CADPS: variants seen among roughly 807,000 people sequenced by gnomAD.
CADPS encodes the protein calcium-dependent secretion activator 1.
A neutral mutation model predicts 167.3 loss-of-function variants in CADPS; 57 were observed. The ratio of observed to expected loss-of-function variants is 0.34; its 90% CI spans 0.28 to 0.42. The LOEUF (loss-of-function observed/expected upper bound fraction) is 0.42, where lower values mean the gene tolerates loss of function less well. Ranked by LOEUF, CADPS falls within the 20% of genes least tolerant of loss-of-function variation. The pLI, the probability that CADPS is intolerant of heterozygous loss-of-function variation, is 1.00. For missense variants in CADPS, 1,414 were observed against 1,738.1 expected (o/e 0.81, Z 3.32); for synonymous variants, 676 against 635.3 (o/e 1.06, Z -0.96).
chr3:62,695,600 C>G (rs1346912872), intron 3 of CADPS, among the ~76,000 whole-genome samples: 1 of 152,124 alleles, frequency 6.6e-6, no homozygotes, highest in Non-Finnish European at 1.5e-5. Context: ...CAAGCCTCCT[C>G]CTTTCTCCTT....
At chr3:62,532,154 T>A (rs1159854195) in intron 13 of CADPS, among the ~76,000 whole-genome samples, 1 of 152,218 alleles carries the variant, frequency 6.6e-6, no homozygotes, top group Non-Finnish European at 1.5e-5. Context: ...CTGTTCCTTT[T>A]GCCTGGAACC....
At chr3:62,718,764 G>T (rs983034669) in intron 3 of CADPS, among the ~76,000 whole-genome samples, 2 of 152,200 alleles carry the variant, frequency 1.3e-5, no homozygotes, top group South Asian at 4.1e-4. Flanking sequence ...AGCCGCATCA[G>T]GAGCATTTTG....
chr3:62,435,091 T>C (rs2054724114), intron 28 of CADPS, among the ~76,000 whole-genome samples: 1 of 152,212 alleles, frequency 6.6e-6, no homozygotes, highest in Non-Finnish European at 1.5e-5. Context: ...CTATTATTCA[T>C]TTTTGCCATT....
chr3:62,785,278 A>C (rs1345436725), intron 1 of CADPS, among the ~76,000 whole-genome samples: 1 of 152,196 alleles, frequency 6.6e-6, no homozygotes, highest in African/African-American at 2.4e-5. Context: ...GGTCAAAGGC[A>C]GGGAATGCCA....
intron 3 of CADPS, among the ~76,000 whole-genome samples, chr3:62,708,834 G>A (rs1239621084): frequency 6.6e-6 from 1 of 151,996 alleles, no homozygotes; most frequent in Non-Finnish European, 1.5e-5. Context: ...GAAAGGGGTA[G>A]GGGCGGAGTA....
At chr3:62,480,003 TACA>T (rs1344927271) in intron 22 of CADPS, among the ~76,000 whole-genome samples, 1 of 152,210 alleles carries the variant, frequency 6.6e-6, no homozygotes, top group African/African-American at 2.4e-5. Context: ...TGGTATTTAT[TACA>T]ACAACATTTT....
In CADPS at chr3:62,403,141, C is replaced by T. The variant is rs200558042; in HGVS notation, c.3822G>A (p.Thr1274=). Residue 1274 remains threonine, a synonymous_variant, in exon 29 of 30, where the codon ACG becomes ACA. Transcript: ENST00000383710. Reference sequence around the variant, plus strand: ...TATGAAGCTGTAAGTCCATCCGGTCCGTCAACCAGGTGCAGATCACGTTCA... The same window carrying T: ...TATGAAGCTGTAAGTCCATCCGGTCTGTCAACCAGGTGCAGATCACGTTCA... ...SSMNVICTWL[T]DRMDLQLHIY... is the part of the protein sequence containing the mutation. 1.5e-4 allele frequency: 248 copies of T among 1,613,426 alleles called. 1 individual carries two copies. The East Asian group carries it at 4.2e-3, about 27-fold the overall frequency.
intron 3 of CADPS, among the ~76,000 whole-genome samples, chr3:62,708,837 G>T (rs1311909711): frequency 1.3e-5 from 2 of 152,008 alleles, no homozygotes; most frequent in African/African-American, 4.8e-5. Flanking sequence ...AGGGGTAGGG[G>T]CGGAGTAAGA....
chr3:62,791,757 T>C (rs899747270), intron 1 of CADPS, among the ~76,000 whole-genome samples: 51 of 152,342 alleles, frequency 3.3e-4, no homozygotes, highest in African/African-American at 1.2e-3. Flanking sequence ...GATAATTACC[T>C]TTCAAACTGT....
chr3:62,454,275 C>G (rs545848871), intron 26 of CADPS, among the ~76,000 whole-genome samples: 16 of 152,306 alleles, frequency 1.1e-4, no homozygotes, highest in African/African-American at 3.8e-4. Context: ...ATGAACAATA[C>G]AGAAATATTT....
intron 21 of CADPS, among the ~76,000 whole-genome samples, chr3:62,486,312 G>A (rs1372524612): frequency 1.3e-5 from 2 of 151,918 alleles, no homozygotes; most frequent in African/African-American, 4.8e-5. Flanking sequence ...GGGCGTGGTG[G>A]CAGGCACCTG....
chr3:62,721,846 G>A (rs77601685), intron 3 of CADPS, among the ~76,000 whole-genome samples: 1 of 152,100 alleles, frequency 6.6e-6, no homozygotes, highest in Non-Finnish European at 1.5e-5. Flanking sequence ...AACAGAGGTA[G>A]GGGAAGTTTA....
At chr3:62,559,182 C>T (rs1214748464) in intron 9 of CADPS, among the ~76,000 whole-genome samples, 2 of 152,170 alleles carry the variant, frequency 1.3e-5, no homozygotes, top group Non-Finnish European at 1.5e-5. Context: ...TATAGTATAG[C>T]TTAATAGGTG....
chr3:62,681,542 T>G (rs2077160367), intron 3 of CADPS, among the ~76,000 whole-genome samples: 2 of 152,174 alleles, frequency 1.3e-5, no homozygotes, highest in South Asian at 4.1e-4. Flanking sequence ...TGTTATTATT[T>G]GCGTACACAT....
chr3:62,651,135 AAAG>A lies in CADPS; in HGVS notation c.970-58_970-56del, dbSNP rs935951837. The A allele has an allele frequency of 5.1e-5, 65 of 1,278,072 alleles. No homozygotes were observed. The African/African-American group carries it at 6.6e-4, about 13-fold the overall frequency. The allele number at this position is 1,278,072 out of a possible 1,614,324, so 79.2% of individuals were successfully genotyped here. A position where few individuals can be genotyped will look rare whatever the true frequency, so the allele number is the denominator to read the frequency against. On this transcript the variant is annotated intron_variant, in intron 4 of 29. Coordinates refer to ENST00000383710, the MANE Select transcript of CADPS (RefSeq NM_003716.4). ...AGGAGAAAATAGAAAGCTGATTTAT[AAAG>A]AAGGTCTTTGTCCCATGGCCCAGAG...
In CADPS at chr3:62,481,838, G is replaced by A; in HGVS notation, c.3058C>T (p.Leu1020=). ...ACTTTGGGAAGGTTCACATTGGGTAGGTTCACATTGGGTAGGTTACTGGTT... is the reference window on the plus strand; with the variant it reads ...ACTTTGGGAAGGTTCACATTGGGTAAGTTCACATTGGGTAGGTTACTGGTT... ...SLTSNLPNVN[L]PNVNLPKVPN... is the part of the protein sequence containing the mutation. Residue 1020 remains leucine, a synonymous_variant, in exon 22 of 30, where the codon CTA becomes TTA. Transcript: ENST00000383710. The A allele has an allele frequency of 6.2e-7, 1 of 1,611,814 alleles. No homozygotes were observed. Among genetic ancestry groups the A allele is most frequent in the Non-Finnish European group, 8.5e-7 (1 of 1,179,152 alleles).
At chr3:62,659,876 G>A (rs781478483) in intron 4 of CADPS, among the ~76,000 whole-genome samples, 1 of 152,100 alleles carries the variant, frequency 6.6e-6, no homozygotes, top group Non-Finnish European at 1.5e-5. Context: ...GACAGTAGAG[G>A]GCACTCTATC....
chr3:62,700,075 T>C (rs949879887), intron 3 of CADPS, among the ~76,000 whole-genome samples: 15 of 152,122 alleles, frequency 9.9e-5, no homozygotes, highest in Non-Finnish European at 2.1e-4. Context: ...ATCTCTACCA[T>C]GCTATGGATC....
chr3:62,748,873 A>T (rs1303406391), intron 3 of CADPS, among the ~76,000 whole-genome samples: 1 of 152,100 alleles, frequency 6.6e-6, no homozygotes, highest in African/African-American at 2.4e-5. Flanking sequence ...ACACCCAGCT[A>T]GTTTTTAAAT....
Sources: gnomAD v4.1 joint callset for allele counts (sites outside exome capture counted in the v4.1 genomes callset) on GRCh38, gnomAD v4.1.1 for gene constraint, MANE v1.5 for transcripts, NCBI Gene and HGNC (gene_info 2026-07-23, HGNC 2026-07-21) for gene names.